The following RBFOX1 variants were observed in gnomAD, a reference collection of about 807,000 sequenced individuals.
RBFOX1 encodes RNA binding fox-1 homolog 1.
In RBFOX1, 8 loss-of-function variants were observed where a neutral mutation model predicts 57.7. The ratio of observed to expected loss-of-function variants is 0.14; its 90% CI spans 0.08 to 0.25. The LOEUF (loss-of-function observed/expected upper bound fraction) is 0.25. RBFOX1 is among the 10% of genes least tolerant of loss of function. The probability of loss-of-function intolerance (pLI) is 1.00; values close to 1 mark genes in which losing one functional copy is unlikely to be tolerated. For synonymous variants in RBFOX1, 326 were observed against 222.4 expected, an observed-to-expected ratio of 1.47 and a Z score of -4.15; for missense variants, 611 against 548.5, an observed-to-expected ratio of 1.11 and a Z score of -1.14.
At chr16:5,954,090 C>T (rs1287809219) in intron 4 of RBFOX1, among the ~76,000 whole-genome samples, 2 of 152,164 alleles carry the variant, frequency 1.3e-5, no homozygotes, top group African/African-American at 4.8e-5. Context: ...CAGGACAGCC[C>T]CCTGCCATCG....
At chr16:6,813,469 C>T (rs752457458) in intron 3 of RBFOX1, among the ~76,000 whole-genome samples, 3 of 152,072 alleles carry the variant, frequency 2.0e-5, no homozygotes, top group Non-Finnish European at 4.4e-5. Flanking sequence ...CTTAGGTTTT[C>T]TTCAGAGACA....
At chr16:6,240,059 C>G (rs2097532233) in intron 1 of RBFOX1, among the ~76,000 whole-genome samples, 1 of 152,012 alleles carries the variant, frequency 6.6e-6, no homozygotes, top group South Asian at 2.1e-4. Context: ...CTCATGAGAT[C>G]TGGTCATTTA....
chr16:6,178,177 CTTTTTTT>C (rs34382826), intron 1 of RBFOX1, among the ~76,000 whole-genome samples: 3 of 69,614 alleles, frequency 4.3e-5, no homozygotes, highest in Non-Finnish European at 2.7e-5. Context: ...AAAGGTCACT[CTTTTTTT>C]TTTTTTTTTT....
chr16:6,720,776 C>T (rs2065834579), intron 3 of RBFOX1, among the ~76,000 whole-genome samples: 2 of 152,110 alleles, frequency 1.3e-5, no homozygotes. Flanking sequence ...TTTTATTCTT[C>T]AAATAGGTGA....
intron 1 of RBFOX1, among the ~76,000 whole-genome samples, chr16:5,296,898 C>T (rs146943028): frequency 8.5e-5 from 13 of 152,114 alleles, no homozygotes; most frequent in African/African-American, 2.4e-4. Context: ...AGGCTGGTCT[C>T]GAACTCCTAC....
chr16:6,534,640 T>G (rs2096710772), intron 2 of RBFOX1, among the ~76,000 whole-genome samples: 1 of 152,196 alleles, frequency 6.6e-6, no homozygotes, highest in Non-Finnish European at 1.5e-5. Flanking sequence ...CAATCTACCT[T>G]TTATATAAAT....
chr16:5,620,170 G>T (rs557226048), intron 3 of RBFOX1, among the ~76,000 whole-genome samples: 1 of 151,986 alleles, frequency 6.6e-6, no homozygotes, highest in African/African-American at 2.4e-5. Flanking sequence ...GGAGCTTTGC[G>T]TACATTTTTG....
At chr16:6,070,895 C>T (rs1274265263) in intron 1 of RBFOX1, among the ~76,000 whole-genome samples, 1 of 151,822 alleles carries the variant, frequency 6.6e-6, no homozygotes, top group Non-Finnish European at 1.5e-5. Context: ...TAATGTTTTT[C>T]ATCTAATGCT....
chr16:7,580,766 T>A (rs1390111078), intron 6 of RBFOX1, among the ~76,000 whole-genome samples: 1 of 152,212 alleles, frequency 6.6e-6, no homozygotes, highest in African/African-American at 2.4e-5. Flanking sequence ...AGGACAAAGC[T>A]GTGACAGGGC....
chr16:5,841,756 A>G (rs2056631468), intron 3 of RBFOX1, among the ~76,000 whole-genome samples: 1 of 152,190 alleles, frequency 6.6e-6, no homozygotes, highest in African/African-American at 2.4e-5. Context: ...CAGCCCATCA[A>G]CTGAACAGGC....
At chr16:5,795,288 C>T (rs1034400754) in intron 3 of RBFOX1, among the ~76,000 whole-genome samples, 2 of 151,930 alleles carry the variant, frequency 1.3e-5, no homozygotes, top group Admixed American at 1.3e-4. Context: ...ACCTTATTGT[C>T]TTCCACTTCT....
chr16:6,254,904 C>T (rs1007843771), intron 1 of RBFOX1, among the ~76,000 whole-genome samples: 4 of 152,008 alleles, frequency 2.6e-5, no homozygotes, highest in African/African-American at 9.7e-5. Flanking sequence ...CCCATGCCCA[C>T]CCCCACTGTC....
At chr16:6,627,054 A>G (rs544549006) in intron 2 of RBFOX1, among the ~76,000 whole-genome samples, 11 of 152,336 alleles carry the variant, frequency 7.2e-5, no homozygotes, top group African/African-American at 2.2e-4. Flanking sequence ...TGAAAGAACC[A>G]GGGTTCTAGT....
At chr16:5,300,928 C>T (rs1352321735) in intron 1 of RBFOX1, among the ~76,000 whole-genome samples, 2 of 152,150 alleles carry the variant, frequency 1.3e-5, no homozygotes, top group Non-Finnish European at 2.9e-5. Flanking sequence ...GTCTGCCTGT[C>T]TGTCTGTCTC....
intron 3 of RBFOX1, among the ~76,000 whole-genome samples, chr16:6,997,951 T>C (rs1337586901): frequency 1.3e-5 from 2 of 152,028 alleles, no homozygotes; most frequent in East Asian, 1.9e-4. Context: ...TTTAATATTA[T>C]ATTTCGTAAT....
At chr16:5,277,593 C>A (rs188288297) in intron 1 of RBFOX1, among the ~76,000 whole-genome samples, 49 of 152,264 alleles carry the variant, frequency 3.2e-4, no homozygotes, top group African/African-American at 1.2e-3. Flanking sequence ...TGGTAACTAT[C>A]ATTCTACTCT....
At chr16:6,924,389 C>T (rs967320381) in intron 3 of RBFOX1, among the ~76,000 whole-genome samples, 10 of 151,816 alleles carry the variant, frequency 6.6e-5, no homozygotes, top group African/African-American at 1.5e-4. Flanking sequence ...AGGTGCCAGC[C>T]TCCTTTAAAC....
intron 2 of RBFOX1, among the ~76,000 whole-genome samples, chr16:6,515,911 C>A: frequency 6.6e-6 from 1 of 152,148 alleles, no homozygotes; most frequent in Admixed American, 6.5e-5. Flanking sequence ...CCTTGACTCT[C>A]CTAGATGGAA....
At chr16:7,553,389 C>G (rs1182219982) in intron 5 of RBFOX1, among the ~76,000 whole-genome samples, 1 of 152,210 alleles carries the variant, frequency 6.6e-6, no homozygotes, top group Non-Finnish European at 1.5e-5. Context: ...AAGTGATCCT[C>G]TAGCATTGGT....
Sources: allele counts gnomAD v4.1 joint callset (sites outside exome capture counted in the v4.1 genomes callset), GRCh38; gene constraint gnomAD v4.1.1; transcripts MANE v1.5; gene names NCBI Gene and HGNC (gene_info 2026-07-23, HGNC 2026-07-21).